PAM: variants seen among roughly 807,000 people sequenced by gnomAD.
PAM encodes the protein peptidyl-glycine alpha-amidating monooxygenase.
A neutral mutation model predicts 122.1 loss-of-function variants in PAM; 72 were observed. The observed-to-expected ratio is 0.59, with a 90% confidence interval of 0.49 to 0.72. The LOEUF (loss-of-function observed/expected upper bound fraction) is 0.72, where lower values mean the gene tolerates loss of function less well. PAM is among the 30% of genes least tolerant of loss of function. PAM has a pLI of 0.00. For synonymous variants in PAM, 389 were observed against 404.4 expected (o/e 0.96, Z 0.46); for missense variants, 1,106 against 1,183.7 (o/e 0.93, Z 0.96).
intron 2 of PAM, 88 bp downstream of exon 2, chr5:102,866,372 G>A (rs73192734): frequency 0.044 from 36,173 of 827,114 alleles, 2,905 homozygotes; most frequent in African/African-American, 0.25. Flanking sequence ...AAAATAGACG[G>A]GGTTGATGTT....
intron 14 of PAM, among the ~76,000 whole-genome samples, chr5:102,972,874 G>T (rs1026080471): frequency 6.6e-6 from 1 of 152,064 alleles, no homozygotes; most frequent in Non-Finnish European, 1.5e-5. Flanking sequence ...GATTTCACTG[G>T]CAAGAATTGA....
Position 102,918,107 on chromosome 5 carries a change from C to T in PAM, c.356+4086C>T, listed in dbSNP as rs138082501. On this transcript the variant is annotated intron_variant, in intron 5 of 25. Coordinates refer to ENST00000438793, the MANE Select transcript of PAM (RefSeq NM_001177306.2). ...TAGTGCTCAATTCCAAATTAACATA[C>T]CTCTAGAGGTTGCAAATAAGGACCA... Among the ~76,000 whole-genome samples, 533 of 152,194 alleles carry T rather than the reference C, an allele frequency of 3.5e-3. 6 individuals carry two copies. Among genetic ancestry groups the T allele is most frequent in the African/African-American group, 0.012 (507 of 41,530 alleles).
At chr5:102,929,927 G>A (rs1159152294) in intron 7 of PAM, among the ~76,000 whole-genome samples, 1 of 150,814 alleles carries the variant, frequency 6.6e-6, no homozygotes, top group Non-Finnish European at 1.5e-5. Context: ...TTTTATGTGT[G>A]GCCCAAGACA....
chr5:103,031,048 G>C (rs959121649), downstream of PAM: 2 of 152,132 alleles, frequency 1.3e-5, no homozygotes, highest in Non-Finnish European at 2.9e-5. Flanking sequence ...ATTGTTGAAT[G>C]TGTTAAATTG....
intron 1 of PAM, among the ~76,000 whole-genome samples, chr5:102,761,556 T>A (rs900350518): frequency 3.9e-5 from 6 of 152,342 alleles, no homozygotes; most frequent in Admixed American, 3.9e-4. Context: ...TTTCCGTGGC[T>A]AAAAATGCCT....
chr5:102,759,231 C>G (rs1013875418), intron 1 of PAM, among the ~76,000 whole-genome samples: 2 of 152,184 alleles, frequency 1.3e-5, no homozygotes. Flanking sequence ...CACAGTGCAT[C>G]ATCTCATCCT....
chr5:103,000,034 T>A (rs1431403734), intron 16 of PAM, among the ~76,000 whole-genome samples: 1 of 152,242 alleles, frequency 6.6e-6, no homozygotes, highest in Non-Finnish European at 1.5e-5. Flanking sequence ...TATCACATCA[T>A]CAGGCTGCAA....
chr5:102,773,075 A>C (rs1187913005), intron 1 of PAM, among the ~76,000 whole-genome samples: 1 of 152,132 alleles, frequency 6.6e-6, no homozygotes, highest in African/African-American at 2.4e-5. Flanking sequence ...GAGTCAAGAC[A>C]TTGGCTCAAT....
intron 3 of PAM, 48 bp from the exon 4 acceptor site, chr5:102,901,308 C>T (rs1797776302): frequency 9.3e-7 from 1 of 1,080,746 alleles, no homozygotes; most frequent in African/African-American, 1.6e-5. Flanking sequence ...TTATTTCTTC[C>T]TTACTAGCAA....
At chr5:102,919,645 C>A (rs1746684329) in intron 5 of PAM, among the ~76,000 whole-genome samples, 1 of 152,130 alleles carries the variant, frequency 6.6e-6, no homozygotes, top group African/African-American at 2.4e-5. Flanking sequence ...AGTGCAGTAG[C>A]AATGTTTAGA....
At position 102,886,896 on chromosome 5, in the gene PAM, A is replaced by G. The variant is rs539004369; in HGVS notation, c.211-14460A>G. ...GGTACTCAGTGAGTATCTGTTGATT[A>G]ACTGATCTCCCTTGAATCTACACCT... On this transcript the variant is annotated intron_variant, in intron 3 of 25. Coordinates refer to ENST00000438793, the MANE Select transcript of PAM (RefSeq NM_001177306.2). Among the ~76,000 whole-genome samples, 4 of 150,006 alleles carry G rather than the reference A, an allele frequency of 2.7e-5. No homozygotes were observed. In the South Asian group the frequency reaches 6.4e-4, roughly 24 times the overall value.
intron 1 of PAM, among the ~76,000 whole-genome samples, chr5:102,789,615 A>G (rs1031354771): frequency 6.6e-6 from 1 of 152,118 alleles, no homozygotes; most frequent in African/African-American, 2.4e-5. Flanking sequence ...ATAGAATGCT[A>G]GTTGCTCGGG....
At position 102,779,935 on chromosome 5, in the gene PAM, G is replaced by C. The variant is rs1406655517; in HGVS notation, c.-374+24587G>C. Among the ~76,000 whole-genome samples the C allele has an allele frequency of 4.2e-5, 3 of 71,482 alleles. No individual in the cohort carries two copies. The East Asian group carries it at 1.3e-3, about 32-fold the overall frequency. The allele number at this position is 71,482 out of a possible 152,430, so 46.9% of individuals were successfully genotyped here. ...TATATATATACACACATATATATAT[G>C]TATATATCTCCTAATAGTTCTGACC... On this transcript the variant is annotated intron_variant, in intron 1 of 25. Coordinates refer to ENST00000438793, the MANE Select transcript of PAM (RefSeq NM_001177306.2).
At chr5:102,830,364 A>T (rs1012195521) in intron 1 of PAM, among the ~76,000 whole-genome samples, 1 of 152,112 alleles carries the variant, frequency 6.6e-6, no homozygotes, top group East Asian at 1.9e-4. Context: ...GTTGTGGCTT[A>T]TTTCACCACT....
At chr5:102,911,309 T>G (rs1340851897) in intron 4 of PAM, among the ~76,000 whole-genome samples, 1 of 151,952 alleles carries the variant, frequency 6.6e-6, no homozygotes, top group Non-Finnish European at 1.5e-5. Context: ...ATCTGGAGTT[T>G]CTGGAGAAAT....
chr5:102,869,113 C>T (rs1786526490), intron 3 of PAM, among the ~76,000 whole-genome samples: 1 of 152,174 alleles, frequency 6.6e-6, no homozygotes, highest in South Asian at 2.1e-4. Context: ...TTCTCTGAGA[C>T]TATGTGATTC....
At chr5:102,898,823 TAGAAG>T in intron 3 of PAM, among the ~76,000 whole-genome samples, 1 of 151,722 alleles carries the variant, frequency 6.6e-6, no homozygotes, top group East Asian at 1.9e-4. Context: ...CTTTCCATAG[TAGAAG>T]AGAAGTGCTT....
At chr5:102,926,533 C>A in intron 6 of PAM, 52 bp from the exon 7 acceptor site, 2 of 981,180 alleles carry the variant, frequency 2.0e-6, no homozygotes, top group Non-Finnish European at 3.3e-6. Context: ...TTGAGATTAA[C>A]TCCATTTTAG....
At chr5:102,761,774 T>A (rs139857117) in intron 1 of PAM, among the ~76,000 whole-genome samples, 1 of 152,376 alleles carries the variant, frequency 6.6e-6, no homozygotes, top group African/African-American at 2.4e-5. Context: ...AGGGAACTTT[T>A]ATGAAGATAT....
Sources: allele counts gnomAD v4.1 joint callset (sites outside exome capture counted in the v4.1 genomes callset), GRCh38; gene constraint gnomAD v4.1.1; transcripts MANE v1.5; gene names NCBI Gene and HGNC (gene_info 2026-07-23, HGNC 2026-07-21).